KAT6A: variants seen among roughly 807,000 people sequenced by gnomAD.
KAT6A encodes histone acetyltransferase KAT6A.
A neutral mutation model predicts 198.4 loss-of-function variants in KAT6A; 9 were observed. The ratio of observed to expected loss-of-function variants is 0.05; its 90% CI spans 0.03 to 0.08. The LOEUF (loss-of-function observed/expected upper bound fraction) is 0.08. Among genes scored for constraint, KAT6A ranks in the 10% least tolerant of loss-of-function variants. The pLI is 1.00. For synonymous variants in KAT6A, 890 were observed against 883.0 expected (o/e 1.01, Z -0.14); for missense variants, 2,077 against 2,509.9 (o/e 0.83, Z 3.69).
intron 8 of KAT6A, chr8:41,958,347 C>G (rs1823029682): frequency 6.6e-6 from 1 of 152,028 alleles, no homozygotes; most frequent in South Asian, 2.1e-4. Context: ...AACAATATAC[C>G]CACTCTGCAG....
intron 8 of KAT6A, among the ~76,000 whole-genome samples, chr8:41,965,818 T>G (rs1823452767): frequency 1.3e-5 from 2 of 152,172 alleles, no homozygotes; most frequent in African/African-American, 4.8e-5. Flanking sequence ...GATTTTAAGG[T>G]ACCCCCATGA....
chr8:42,028,355 T>C (rs1184173654), intron 2 of KAT6A, among the ~76,000 whole-genome samples: 1 of 152,252 alleles, frequency 6.6e-6, no homozygotes, highest in Non-Finnish European at 1.5e-5. Context: ...TATTACCATA[T>C]TGGAGTTGTT....
chr8:42,028,963 A>G (rs1253433697), intron 2 of KAT6A, among the ~76,000 whole-genome samples: 1 of 152,070 alleles, frequency 6.6e-6, no homozygotes, highest in East Asian at 1.9e-4. Flanking sequence ...AACTCCCTTA[A>G]GCATTTCTTG....
At position 41,949,345 on chromosome 8, in the gene KAT6A, A is replaced by G; in HGVS notation, c.1617T>C (p.Leu539=). ...QEYSRLPKLY[L]CEFCLKYMKS... is the part of the protein sequence containing the mutation. ...TCATATATTTTAGACAAAATTCACA[A>G]AGATACAATTTGGGCAGCCTGTAAA... is the stretch of plus-strand genomic sequence containing the variant. Residue 539 remains leucine (L), a synonymous_variant, in exon 10 of 17, where the codon CTT becomes CTC. Transcript: ENST00000265713. 1 of 1,549,108 alleles carries G rather than the reference A, an allele frequency of 6.5e-7. No homozygotes were observed. Among genetic ancestry groups the G allele is most frequent in the Non-Finnish European group, 8.7e-7 (1 of 1,153,122 alleles).
At chr8:41,960,478 G>C (rs1047297802) in intron 8 of KAT6A, among the ~76,000 whole-genome samples, 5 of 135,510 alleles carry the variant, frequency 3.7e-5, no homozygotes, top group African/African-American at 1.4e-4. Flanking sequence ...CTGTACTCCA[G>C]CCTGGGTGAC....
At position 41,966,169 on chromosome 8, in the gene KAT6A, T is replaced by C. The variant is rs74804345; in HGVS notation, c.1482+8535A>G. Among the ~76,000 whole-genome samples the C allele has an allele frequency of 3.5e-3, 530 of 152,152 alleles. 2 individuals are homozygous for C. The highest frequency in any genetic ancestry group is 5.8e-3 in the Non-Finnish European group (392 of 67,992). On this transcript the variant is annotated intron_variant, in intron 8 of 16. Coordinates refer to ENST00000265713, the MANE Select transcript of KAT6A (RefSeq NM_006766.5). ...ATTCATGCAGTGAGTGCCAAATAAATGTGAGCTTCTGCTTGCTATCTCAGT... is the reference window on the plus strand; with the variant it reads ...ATTCATGCAGTGAGTGCCAAATAAACGTGAGCTTCTGCTTGCTATCTCAGT...
rs767959705 is a variant in KAT6A, at chr8:41,977,257, T to C, written c.1114A>G (p.Ser372Gly). The change falls in exon 7 of 17, where the codon AGC becomes GGC. Residue 372 changes from serine (S) to glycine (G), a missense_variant. This residue lies in a region of KAT6A where 206 missense variants were observed against 214.9 expected (regional missense o/e 0.96). Transcript: ENST00000265713. ...RGRKRKITLS[S>G]QSASSSSEEG... is the part of the protein sequence containing the mutation. ...TCTGATGATGATGATGCTGATTGGC[T>C]GGAAAGAGTGATTTTTCGTTTCCTA... is the stretch of plus-strand genomic sequence containing the variant. 1.2e-6 allele frequency: 2 copies of C among 1,614,236 alleles called. No homozygotes were observed. Among genetic ancestry groups the C allele is most frequent in the Admixed American group, 3.3e-5 (2 of 60,022 alleles).
chr8:42,031,050 C>A (rs1383791231), intron 2 of KAT6A, among the ~76,000 whole-genome samples: 43 of 121,478 alleles, frequency 3.5e-4, no homozygotes, highest in Admixed American at 5.1e-4. Context: ...GGGGGGGGGA[C>A]AGGAGAAATG....
chr8:42,022,973 T>A (rs1826623435), intron 2 of KAT6A, among the ~76,000 whole-genome samples: 3 of 152,156 alleles, frequency 2.0e-5, no homozygotes, highest in African/African-American at 7.2e-5. Context: ...TTGTGCAACA[T>A]CATAAAGTGT....
At chr8:41,998,722 G>A (rs1346841311) in intron 2 of KAT6A, among the ~76,000 whole-genome samples, 2 of 151,722 alleles carry the variant, frequency 1.3e-5, no homozygotes, top group Non-Finnish European at 2.9e-5. Context: ...ACTATATCTG[G>A]GTGGACTTTA....
intron 2 of KAT6A, among the ~76,000 whole-genome samples, chr8:42,018,884 G>A (rs143915989): frequency 5.5e-4 from 84 of 152,236 alleles, no homozygotes; most frequent in Middle Eastern, 6.8e-3. Context: ...TCGCACCACT[G>A]CACTCCAGCC....
Position 41,947,894 on chromosome 8 carries a change from T to C in KAT6A, c.1759A>G (p.Thr587Ala), listed in dbSNP as rs768379381. The C allele has an allele frequency of 1.2e-6, 2 of 1,603,050 alleles. No homozygotes were observed. The highest frequency in any genetic ancestry group is 1.7e-6 in the Non-Finnish European group (2 of 1,177,310). ...AGACACAGGTTTTGACAATAAATGG[T>C]ACTCACATTCCCATCAACCTAGAGA... ...SVFEVDGNVSTIYCQNLCLLA... is the reference protein window; with the variant it reads ...SVFEVDGNVSAIYCQNLCLLA... Residue 587 changes from threonine to alanine, a missense_variant, in exon 11 of 17, where the codon ACC becomes GCC. Thr to Ala is a moderately conservative substitution (Grantham distance 58). Transcript: ENST00000265713.
At chr8:41,951,964 T>C (rs1009524447) in intron 9 of KAT6A, among the ~76,000 whole-genome samples, 2 of 152,152 alleles carry the variant, frequency 1.3e-5, no homozygotes, top group African/African-American at 2.4e-5. Context: ...GAAGTGAGCT[T>C]CAAGTTCTGC....
chr8:41,975,291 C>T (rs1823995518), intron 7 of KAT6A, among the ~76,000 whole-genome samples: 1 of 152,006 alleles, frequency 6.6e-6, no homozygotes, highest in South Asian at 2.1e-4. Flanking sequence ...AAACACTGTC[C>T]TTTTAAAGCA....
intron 2 of KAT6A, among the ~76,000 whole-genome samples, chr8:42,021,709 T>C (rs550117836): frequency 2.6e-5 from 4 of 152,296 alleles, no homozygotes; most frequent in African/African-American, 9.6e-5. Context: ...GGCAGGTAGA[T>C]TGTTTGAAGC....
intron 2 of KAT6A, among the ~76,000 whole-genome samples, chr8:42,025,561 G>A (rs1826771945): frequency 6.6e-6 from 1 of 152,006 alleles, no homozygotes; most frequent in Admixed American, 6.6e-5. Context: ...GTATTCTTTT[G>A]AGAAATGTCT....
At chr8:41,939,907 C>T (rs1169947515) in intron 15 of KAT6A, among the ~76,000 whole-genome samples, 1 of 152,196 alleles carries the variant, frequency 6.6e-6, no homozygotes, top group African/African-American at 2.4e-5. Flanking sequence ...TGTACCACAC[C>T]AACGCAAGGG....
chr8:42,035,586 C>T (rs1827335202), intron 2 of KAT6A, among the ~76,000 whole-genome samples: 1 of 152,048 alleles, frequency 6.6e-6, no homozygotes, highest in Admixed American at 6.6e-5. Context: ...AAGGAATTAC[C>T]AGAAAGATGG....
At chr8:42,023,554 C>T (rs1229001225) in intron 2 of KAT6A, among the ~76,000 whole-genome samples, 1 of 151,494 alleles carries the variant, frequency 6.6e-6, no homozygotes, top group East Asian at 1.9e-4. Context: ...GTGGCATGAT[C>T]TTGGCTCACT....
Sources: allele counts gnomAD v4.1 joint callset (sites outside exome capture counted in the v4.1 genomes callset), GRCh38; gene constraint gnomAD v4.1.1; regional missense constraint gnomAD v4.1.1; transcripts MANE v1.5; gene names NCBI Gene and HGNC (gene_info 2026-07-23, HGNC 2026-07-21).